The following GLIS3 variants were observed in gnomAD, a reference collection of about 807,000 sequenced individuals.
GLIS3 encodes the protein GLIS family zinc finger 3.
Under a neutral mutation model 78.6 loss-of-function variants are expected in GLIS3, and 53 were observed. The observed-to-expected ratio is 0.67, with a 90% confidence interval of 0.54 to 0.85. The LOEUF is 0.85. GLIS3 is among the 40% of genes least tolerant of loss of function. The pLI, the probability that GLIS3 is intolerant of heterozygous loss-of-function variation, is 0.00. For synonymous variants in GLIS3, 684 were observed against 509.9 expected, an observed-to-expected ratio of 1.34 and a Z score of -4.60; for missense variants, 1,703 against 1,231.1, an observed-to-expected ratio of 1.38 and a Z score of -5.74.
intron 6 of GLIS3, among the ~76,000 whole-genome samples, chr9:3,907,655 C>CACACACACACACA (rs758113264): frequency 2.8e-4 from 41 of 146,352 alleles, no homozygotes; most frequent in Middle Eastern, 3.4e-3. Flanking sequence ...CACACACACA[C>CACACACACACACA]TACTAAACAG....
At position 4,194,647 on chromosome 9, in the gene GLIS3, G is replaced by T. The variant is rs560612860; in HGVS notation, c.389-68706C>A. 2.0e-5 allele frequency among the ~76,000 whole-genome samples: 3 copies of T among 152,252 alleles called. No individual in the cohort carries two copies. In the South Asian group the frequency reaches 6.2e-4, roughly 32 times the overall value. On this transcript the variant is annotated intron_variant, in intron 2 of 10. Coordinates refer to ENST00000381971, the MANE Select transcript of GLIS3 (RefSeq NM_001042413.2). ...CATTATAGACACCCCAAATCCAAGG[G>T]AGGAGAATAGAGACAAACAGCCCCC...
chr9:4,106,709 T>C (rs765152036), intron 4 of GLIS3, among the ~76,000 whole-genome samples: 2 of 152,184 alleles, frequency 1.3e-5, no homozygotes, highest in African/African-American at 4.8e-5. Context: ...ATGGGGAATA[T>C]TGTGTTTCAG....
chr9:3,861,514 T>C (rs1820211860), intron 8 of GLIS3, among the ~76,000 whole-genome samples: 1 of 138,620 alleles, frequency 7.2e-6, no homozygotes, highest in Admixed American at 7.6e-5. Context: ...CTATTCACAA[T>C]AGCAAAAACA....
chr9:4,054,522 A>G (rs1347688202), intron 4 of GLIS3: 1 of 984,534 alleles, frequency 1.0e-6, no homozygotes, highest in Non-Finnish European at 1.2e-6. Context: ...GTCTACAGAG[A>G]AGGAGGCAAA....
At chr9:4,139,541 C>G (rs2130978432) in intron 2 of GLIS3, among the ~76,000 whole-genome samples, 1 of 152,282 alleles carries the variant, frequency 6.6e-6, no homozygotes, top group African/African-American at 2.4e-5. Context: ...CATATTCCCT[C>G]CTGTTACATA....
chr9:4,370,769 A>G, the GLIS3 span, among the ~76,000 whole-genome samples: 4 of 151,940 alleles, frequency 2.6e-5, no homozygotes, highest in Admixed American at 6.6e-5. Context: ...CAATTAAAGT[A>G]TGAAGTTCAC....
intron 6 of GLIS3, among the ~76,000 whole-genome samples, chr9:3,908,303 T>C (rs1229374781): frequency 5.9e-5 from 9 of 152,212 alleles, no homozygotes; most frequent in African/African-American, 1.7e-4. Flanking sequence ...TTTTTGTACA[T>C]TGAGTCCTAA....
At chr9:4,125,607 G>C (rs1564087422) in intron 3 of GLIS3, 127 bp downstream of exon 3, 1 of 760,808 alleles carries the variant, frequency 1.3e-6, no homozygotes, top group Non-Finnish European at 2.3e-6. Flanking sequence ...CAAATTGAGA[G>C]AGTTGCTTGA....
chr9:3,897,215 G>GT (rs1440538954), intron 7 of GLIS3, among the ~76,000 whole-genome samples: 56 of 152,234 alleles, frequency 3.7e-4, no homozygotes, highest in African/African-American at 1.3e-3. Flanking sequence ...CATTTATATT[G>GT]TATGTTAGGC....
chr9:4,102,177 T>C (rs1259995803), intron 4 of GLIS3, among the ~76,000 whole-genome samples: 1 of 152,146 alleles, frequency 6.6e-6, no homozygotes, highest in Non-Finnish European at 1.5e-5. Context: ...AGTATTTCTA[T>C]AAGAAAACCC....
At chr9:3,930,281 A>G (rs895614871) in intron 6 of GLIS3, among the ~76,000 whole-genome samples, 16 of 152,232 alleles carry the variant, frequency 1.1e-4, no homozygotes, top group African/African-American at 2.9e-4. Context: ...AAAACAGTGA[A>G]CATCAAAAGC....
chr9:4,109,437 T>G (rs1831034338), intron 4 of GLIS3, among the ~76,000 whole-genome samples: 1 of 152,256 alleles, frequency 6.6e-6, no homozygotes, highest in African/African-American at 2.4e-5. Flanking sequence ...AATGCTTTCA[T>G]GCTAGTCTAC....
intron 8 of GLIS3, among the ~76,000 whole-genome samples, chr9:3,876,366 C>A (rs1342800862): frequency 2.0e-5 from 3 of 151,610 alleles, no homozygotes; most frequent in African/African-American, 7.3e-5. Flanking sequence ...ATCCCTGAAT[C>A]ACAAAAAGGA....
intron 4 of GLIS3, among the ~76,000 whole-genome samples, chr9:3,978,358 A>G (rs1332389070): frequency 1.3e-5 from 2 of 152,178 alleles, no homozygotes; most frequent in African/African-American, 2.4e-5. Context: ...ATATTGGTAT[A>G]TATCTTCCAC....
intron 4 of GLIS3, among the ~76,000 whole-genome samples, chr9:4,041,321 C>G (rs1824794030): frequency 6.6e-6 from 1 of 152,208 alleles, no homozygotes; most frequent in South Asian, 2.1e-4. Flanking sequence ...GCCAAACATC[C>G]TACAGTGCAC....
Position 4,118,350 on chromosome 9 carries a change from A to G in GLIS3, c.1128T>C (p.Pro376=). 1 of 1,582,596 alleles carries G rather than the reference A, an allele frequency of 6.3e-7. No homozygotes were observed. Among genetic ancestry groups the G allele is most frequent in the Non-Finnish European group, 8.6e-7 (1 of 1,168,188 alleles). The change falls in exon 4 of 11, where the codon CCT becomes CCC. Residue 376 remains proline (P), a synonymous_variant. Transcript: ENST00000381971. The surrounding 1 kb of genome is among the most constrained non-coding windows in gnomAD (Gnocchi z 4.7). ...PGSQKGVLVA[P]GGLALPAYGE... ...CGTAGGCCGGCAGCGCCAGGCCTCC[A>G]GGGGCCACCAGCACGCCCTTCTGGC...
At chr9:4,344,745 T>C (rs1563940235) in intron 2 of GLIS3, among the ~76,000 whole-genome samples, 1 of 152,342 alleles carries the variant, frequency 6.6e-6, no homozygotes, top group East Asian at 1.9e-4. Context: ...AATTTTCTCC[T>C]CCTAAAATAG....
intron 4 of GLIS3, among the ~76,000 whole-genome samples, chr9:4,075,778 T>C (rs527564247): frequency 7.9e-5 from 12 of 151,832 alleles, no homozygotes; most frequent in African/African-American, 2.9e-4. Flanking sequence ...TAATCATCAA[T>C]AAAAAGGAAC....
chr9:4,059,801 T>C (rs964421653), intron 4 of GLIS3, among the ~76,000 whole-genome samples: 8 of 133,320 alleles, frequency 6.0e-5, no homozygotes, highest in Admixed American at 5.4e-4. Context: ...TACTCAGCTT[T>C]ATTTGTGTGT....
Sources: gnomAD v4.1 joint callset for allele counts (sites outside exome capture counted in the v4.1 genomes callset) on GRCh38, gnomAD v4.1.1 for gene constraint, Gnocchi (gnomAD v3.1) non-coding constraint, MANE v1.5 for transcripts, NCBI Gene and HGNC (gene_info 2026-07-23, HGNC 2026-07-21) for gene names.